Variants in DLGAP2 observed in about 807,000 individuals in gnomAD.
DLGAP2 encodes DLG associated protein 2.
In DLGAP2, 26 loss-of-function variants were observed where a neutral mutation model predicts 100.3. The ratio of observed to expected loss-of-function variants is 0.26; its 90% CI spans 0.19 to 0.36. The LOEUF is 0.36. Among genes scored for constraint, DLGAP2 ranks in the 10% least tolerant of loss-of-function variants. DLGAP2 has a pLI of 1.00. For missense variants in DLGAP2, 1,858 were observed against 1,453.2 expected, an observed-to-expected ratio of 1.28 and a Z score of -4.53; for synonymous variants, 886 against 630.1, an observed-to-expected ratio of 1.41 and a Z score of -6.08.
rs556340059 is a variant in DLGAP2 at position 1,706,808 on chromosome 8, C to G, written c.*5402C>G. The G allele has an allele frequency of 2.0e-5, 3 of 152,268 alleles. No individual in the cohort carries two copies. The South Asian group carries it at 6.2e-4, about 32-fold the overall frequency. The allele number at this position is 152,268 out of a possible 1,614,324, so 9.4% of individuals were successfully genotyped here. ...ATCAGACACACTGACTCAAACCACG[C>G]AAGGGTTTGAGAAGCCCACCCCTCT... is the stretch of plus-strand genomic sequence containing the variant. On this transcript the variant is annotated 3_prime_UTR_variant, in exon 15 of 15. Coordinates refer to ENST00000637795, the MANE Select transcript of DLGAP2 (RefSeq NM_001346810.2).
chr8:1,353,671 A>T (rs1651088141), intron 3 of DLGAP2, among the ~76,000 whole-genome samples: 1 of 152,242 alleles, frequency 6.6e-6, no homozygotes, highest in South Asian at 2.1e-4. Flanking sequence ...ATCTTAGATT[A>T]GCAAGCTTTT....
chr8:1,433,778 T>C (rs1797531647), intron 3 of DLGAP2, among the ~76,000 whole-genome samples: 1 of 149,182 alleles, frequency 6.7e-6, no homozygotes, highest in East Asian at 2.0e-4. Flanking sequence ...TCAGATATTG[T>C]GTTGACAGCT....
At chr8:1,443,149 T>C (rs554171086) in intron 3 of DLGAP2, among the ~76,000 whole-genome samples, 35 of 152,300 alleles carry the variant, frequency 2.3e-4, no homozygotes, top group African/African-American at 8.2e-4. Context: ...ATGAAAGTCA[T>C]AATCATTACA....
chr8:767,640 C>G (rs1162192992), intron 1 of DLGAP2, among the ~76,000 whole-genome samples: 5 of 152,170 alleles, frequency 3.3e-5, no homozygotes, highest in Admixed American at 1.3e-4. Context: ...CAGGTACGAG[C>G]CACCACGCCA....
intron 8 of DLGAP2, among the ~76,000 whole-genome samples, chr8:1,654,577 C>A (rs536868596): frequency 2.7e-5 from 4 of 150,172 alleles, no homozygotes; most frequent in South Asian, 2.1e-4. Context: ...AGGAGAATTA[C>A]TTGAACCCGG....
At chr8:1,516,030 T>TGAGC (rs1476479840) in intron 4 of DLGAP2, among the ~76,000 whole-genome samples, 34 of 143,552 alleles carry the variant, frequency 2.4e-4, no homozygotes, top group African/African-American at 8.4e-4. Context: ...AATGAGTGAG[T>TGAGC]GAATGAGTAA....
intron 3 of DLGAP2, among the ~76,000 whole-genome samples, chr8:1,331,161 A>C (rs1424819829): frequency 6.6e-6 from 1 of 152,214 alleles, no homozygotes; most frequent in Admixed American, 6.5e-5. Flanking sequence ...GTCACAGTGC[A>C]CTGGGGGAAG....
At position 1,368,291 on chromosome 8, in the gene DLGAP2, TTA is replaced by T. The variant is rs570464898; in HGVS notation, c.106+109410_106+109411del. 3.4e-3 allele frequency among the ~76,000 whole-genome samples: 514 copies of T among 152,034 alleles called. 3 individuals are homozygous for T. Among genetic ancestry groups the T allele is most frequent in the African/African-American group, 0.012 (481 of 41,434 alleles). Reference sequence around the variant, plus strand: ...GCAGGTATGTGTGTATGTGTGTGTATTATGTGTATGTGCATGTGCATAGCTGT... The same window carrying T: ...GCAGGTATGTGTGTATGTGTGTGTATTGTGTATGTGCATGTGCATAGCTGT... On this transcript the variant is annotated intron_variant, in intron 3 of 14. Transcript: ENST00000637795.
chr8:1,418,971 G>C (rs942538348), intron 3 of DLGAP2, among the ~76,000 whole-genome samples: 1 of 152,218 alleles, frequency 6.6e-6, no homozygotes, highest in Non-Finnish European at 1.5e-5. Context: ...CCCACACTAT[G>C]TAAATGCTCC....
chr8:1,559,909 C>A (rs1802102464), intron 5 of DLGAP2, among the ~76,000 whole-genome samples: 1 of 152,186 alleles, frequency 6.6e-6, no homozygotes, highest in Non-Finnish European at 1.5e-5. Context: ...CGGACCTCAC[C>A]CCAGGACCTT....
chr8:802,437 G>T (rs571654972), intron 1 of DLGAP2, among the ~76,000 whole-genome samples: 37 of 152,338 alleles, frequency 2.4e-4, no homozygotes, highest in Non-Finnish European at 4.1e-4. Flanking sequence ...CTCCACCCTG[G>T]GGTGGCCTCA....
At chr8:1,431,702 G>A (rs890864384) in intron 3 of DLGAP2, among the ~76,000 whole-genome samples, 1 of 152,222 alleles carries the variant, frequency 6.6e-6, no homozygotes, top group African/African-American at 2.4e-5. Context: ...TGGAGGCACT[G>A]GCTCCCGGGC....
intron 2 of DLGAP2, among the ~76,000 whole-genome samples, chr8:959,262 T>G (rs1254684297): frequency 6.6e-6 from 1 of 152,192 alleles, no homozygotes; most frequent in Admixed American, 6.5e-5. Context: ...GCAGCTGGTG[T>G]TGTGGCTCTA....
At chr8:1,073,336 A>G (rs1803492600) in intron 2 of DLGAP2, among the ~76,000 whole-genome samples, 1 of 152,238 alleles carries the variant, frequency 6.6e-6, no homozygotes, top group Non-Finnish European at 1.5e-5. Context: ...ACTAAATTAC[A>G]GGGAGCTATA....
intron 3 of DLGAP2, among the ~76,000 whole-genome samples, chr8:1,348,799 G>C (rs999915613): frequency 6.6e-6 from 1 of 152,146 alleles, no homozygotes; most frequent in Non-Finnish European, 1.5e-5. Flanking sequence ...GCGGTGGAGC[G>C]TGTTGATGGA....
At chr8:1,556,711 TAAG>T (rs1801977588) in intron 5 of DLGAP2, among the ~76,000 whole-genome samples, 1 of 152,138 alleles carries the variant, frequency 6.6e-6, no homozygotes, top group Non-Finnish European at 1.5e-5. Flanking sequence ...AGTTTGTCCT[TAAG>T]AAAATAAAGT....
intron 2 of DLGAP2, among the ~76,000 whole-genome samples, chr8:960,513 G>C (rs551178949): frequency 1.3e-5 from 2 of 152,134 alleles, no homozygotes; most frequent in East Asian, 3.9e-4. Flanking sequence ...GGGATTACAA[G>C]CATGGGCCAC....
At chr8:1,048,519 G>A (rs1418592436) in intron 2 of DLGAP2, among the ~76,000 whole-genome samples, 1 of 151,804 alleles carries the variant, frequency 6.6e-6, no homozygotes. Flanking sequence ...TACTCCGCAA[G>A]GCCCCTGCTG....
intron 6 of DLGAP2, among the ~76,000 whole-genome samples, chr8:1,603,669 G>A (rs997849483): frequency 1.9e-4 from 29 of 152,326 alleles, no homozygotes; most frequent in African/African-American, 7.0e-4. Flanking sequence ...TTTGGGTTGT[G>A]CCAGCAAGGC....
Sources: gnomAD v4.1 joint callset for allele counts (sites outside exome capture counted in the v4.1 genomes callset) on GRCh38, gnomAD v4.1.1 for gene constraint, MANE v1.5 for transcripts, NCBI Gene and HGNC (gene_info 2026-07-23, HGNC 2026-07-21) for gene names.